The following RTN4RL1 variants were observed in gnomAD, a reference collection of about 807,000 sequenced individuals.
RTN4RL1 encodes reticulon 4 receptor like 1.
A neutral mutation model predicts 25.6 loss-of-function variants in RTN4RL1; 7 were observed. The ratio of observed to expected loss-of-function variants is 0.27; its 90% CI spans 0.16 to 0.51. The LOEUF is 0.51. RTN4RL1 is among the 20% of genes least tolerant of loss of function. RTN4RL1 has a pLI of 0.97. For synonymous variants in RTN4RL1, 297 were observed against 288.2 expected, an observed-to-expected ratio of 1.03 and a Z score of -0.31; for missense variants, 500 against 615.6, an observed-to-expected ratio of 0.81 and a Z score of 1.99.
At chr17:2,022,251 G>C (rs2067217860) in intron 1 of RTN4RL1, among the ~76,000 whole-genome samples, 1 of 152,214 alleles carries the variant, frequency 6.6e-6, no homozygotes, top group African/African-American at 2.4e-5. Context: ...GGGAGGCAGA[G>C]GTTGCAGTTA....
At chr17:2,003,793 GGGCGCGGT>G (rs1222896863) in intron 1 of RTN4RL1, 1 of 152,432 alleles carries the variant, frequency 6.6e-6, no homozygotes, top group Admixed American at 6.5e-5. Flanking sequence ...TGTCTTGGCC[GGGCGCGGT>G]GGCTCATGCC....
chr17:1,948,722 G>A (rs900179797), intron 1 of RTN4RL1, among the ~76,000 whole-genome samples: 3 of 140,800 alleles, frequency 2.1e-5, no homozygotes, highest in African/African-American at 7.6e-5. Context: ...GCAAATGTCT[G>A]TTTGTGATGC....
chr17:1,988,538 A>G (rs1316641822), intron 1 of RTN4RL1, among the ~76,000 whole-genome samples: 4 of 151,382 alleles, frequency 2.6e-5, no homozygotes, highest in Non-Finnish European at 5.9e-5. Context: ...GAAAAGAAAA[A>G]GAAAGAATTA....
chr17:1,947,176 CTGTG>C (rs34312213), intron 1 of RTN4RL1, among the ~76,000 whole-genome samples: 2 of 150,846 alleles, frequency 1.3e-5, no homozygotes, highest in Non-Finnish European at 3.0e-5. Context: ...GTGTGCGTCT[CTGTG>C]TGACTGTGTG....
intron 1 of RTN4RL1, among the ~76,000 whole-genome samples, chr17:1,940,174 C>A (rs973224138): frequency 2.7e-4 from 41 of 152,364 alleles, no homozygotes; most frequent in Admixed American, 2.5e-3. Context: ...GTGGCAGCTG[C>A]TTCCCGTCCC....
chr17:1,991,264 G>A (rs923525904), intron 1 of RTN4RL1, among the ~76,000 whole-genome samples: 1 of 151,994 alleles, frequency 6.6e-6, no homozygotes, highest in African/African-American at 2.4e-5. Context: ...CCCGGGGAAG[G>A]GTAGGCATAG....
chr17:1,999,860 C>A (rs1402552578), intron 1 of RTN4RL1, among the ~76,000 whole-genome samples: 1 of 152,268 alleles, frequency 6.6e-6, no homozygotes, highest in East Asian at 1.9e-4. Flanking sequence ...GGCCTCACGG[C>A]CTTGCCTCTT....
Position 1,936,297 on chromosome 17 carries a change from C to T in RTN4RL1, c.*199G>A, listed in dbSNP as rs890584316. The T allele has an allele frequency of 1.5e-6, 2 of 1,376,346 alleles. No individual in the cohort carries two copies. Among genetic ancestry groups the T allele is most frequent in the Non-Finnish European group, 1.9e-6 (2 of 1,072,158 alleles). The allele number at this position is 1,376,346 out of a possible 1,614,324, so 85.3% of individuals were successfully genotyped here. A position where few individuals can be genotyped will look rare whatever the true frequency, so the allele number is the denominator to read the frequency against. Reference sequence around the variant, plus strand: ...CTGGCTGGGACAGCCGGCTGAGAAGCGCCACCCCCTCCCGCCTAGGGCTGT... The same window carrying T: ...CTGGCTGGGACAGCCGGCTGAGAAGTGCCACCCCCTCCCGCCTAGGGCTGT... On this transcript the variant is annotated 3_prime_UTR_variant, in exon 2 of 2. Coordinates refer to ENST00000331238, the MANE Select transcript of RTN4RL1 (RefSeq NM_178568.4).
intron 1 of RTN4RL1, among the ~76,000 whole-genome samples, chr17:1,997,765 ACT>A (rs2066935911): frequency 6.6e-6 from 1 of 151,668 alleles, no homozygotes; most frequent in Non-Finnish European, 1.5e-5. Flanking sequence ...GCTTTAAACC[ACT>A]AGGACTCGGA....
At chr17:1,946,489 TGG>T in intron 1 of RTN4RL1, among the ~76,000 whole-genome samples, 1 of 152,198 alleles carries the variant, frequency 6.6e-6, no homozygotes, top group East Asian at 1.9e-4. Context: ...TGTGTGTCTG[TGG>T]GTGCACGGGG....
At chr17:1,989,193 T>G (rs1393100836) in intron 1 of RTN4RL1, among the ~76,000 whole-genome samples, 1 of 151,728 alleles carries the variant, frequency 6.6e-6, no homozygotes, top group East Asian at 1.9e-4. Flanking sequence ...GAGGAGGGGA[T>G]GGAGGTAAAG....
At chr17:1,989,705 C>A (rs1322836356) in intron 1 of RTN4RL1, among the ~76,000 whole-genome samples, 1 of 152,018 alleles carries the variant, frequency 6.6e-6, no homozygotes, top group Non-Finnish European at 1.5e-5. Context: ...TCCCGAGTAG[C>A]CAGGATTACA....
chr17:1,973,225 C>T (rs890741303), intron 1 of RTN4RL1, among the ~76,000 whole-genome samples: 2 of 151,904 alleles, frequency 1.3e-5, no homozygotes, highest in East Asian at 1.9e-4. Flanking sequence ...ATTAGCCGGG[C>T]GTAGTGGCAA....
intron 1 of RTN4RL1, among the ~76,000 whole-genome samples, chr17:2,023,111 G>A (rs945662443): frequency 2.6e-5 from 4 of 152,192 alleles, no homozygotes; most frequent in African/African-American, 7.2e-5. Context: ...AGGGAAATGA[G>A]ATGTCAGTTC....
chr17:1,959,901 A>G (rs559959636), intron 1 of RTN4RL1, among the ~76,000 whole-genome samples: 1 of 152,212 alleles, frequency 6.6e-6, no homozygotes, highest in South Asian at 2.1e-4. Context: ...AGGGGTGGGG[A>G]TTAGACATGT....
chr17:1,983,400 A>C (rs1244365861), intron 1 of RTN4RL1, among the ~76,000 whole-genome samples: 1 of 152,162 alleles, frequency 6.6e-6, no homozygotes, highest in Non-Finnish European at 1.5e-5. Context: ...AGCGGGGGCC[A>C]ATTGACAGTG....
At chr17:1,938,717 C>T (rs983985746) in intron 1 of RTN4RL1, among the ~76,000 whole-genome samples, 6 of 152,060 alleles carry the variant, frequency 3.9e-5, no homozygotes, top group Admixed American at 1.3e-4. Context: ...TCAAAACATA[C>T]GGGCAACACC....
intron 1 of RTN4RL1, chr17:2,023,701 T>G (rs894054147): frequency 6.7e-5 from 1 of 14,968 alleles, no homozygotes. Context: ...CTCCACCCCC[T>G]CCCCGTGCGC....
At chr17:1,961,819 G>GCT (rs879372409) in intron 1 of RTN4RL1, among the ~76,000 whole-genome samples, 1 of 136,658 alleles carries the variant, frequency 7.3e-6, no homozygotes, top group Non-Finnish European at 1.6e-5. Flanking sequence ...GTGGTGGCAT[G>GCT]TGCCTGTAAT....
Sources: gnomAD v4.1 joint callset for allele counts (sites outside exome capture counted in the v4.1 genomes callset) on GRCh38, gnomAD v4.1.1 for gene constraint, MANE v1.5 for transcripts, NCBI Gene and HGNC (gene_info 2026-07-23, HGNC 2026-07-21) for gene names.